The following YAF2 variants were observed in gnomAD, a reference collection of about 807,000 sequenced individuals.
The protein encoded by YAF2 is YY1-associated factor 2.
In YAF2, 7 loss-of-function variants were observed where a neutral mutation model predicts 20.1. That is an observed-to-expected ratio of 0.35 (90% CI 0.20 to 0.65). The LOEUF (loss-of-function observed/expected upper bound fraction) is 0.65. YAF2 is among the 30% of genes least tolerant of loss of function. YAF2 has a pLI of 0.69. For missense variants in YAF2, 151 were observed against 219.2 expected (o/e 0.69, Z 1.96); for synonymous variants, 74 against 76.0 (o/e 0.97, Z 0.14).
chr12:42,178,420 A>G (rs150322957), intron 2 of YAF2, among the ~76,000 whole-genome samples: 18 of 152,340 alleles, frequency 1.2e-4, no homozygotes, highest in African/African-American at 4.3e-4. Context: ...TGCCAGGTGA[A>G]GCAAATTATT....
intron 1 of YAF2, 88 bp from the exon 2 acceptor site, chr12:42,237,812 CCCCCCGCCCCAATTCTGCGA>C: frequency 9.8e-7 from 1 of 1,018,610 alleles, no homozygotes; most frequent in Non-Finnish European, 1.2e-6. Context: ...CCCCGCCCCG[CCCCCCGCCCCAATTCTGCGA>C]CCCCCGCCCC....
intron 2 of YAF2, among the ~76,000 whole-genome samples, chr12:42,197,605 G>A (rs1266431523): frequency 6.6e-6 from 1 of 152,198 alleles, no homozygotes; most frequent in African/African-American, 2.4e-5. Flanking sequence ...GATTCCGCTG[G>A]AATAGAGGTG....
Position 42,235,933 on chromosome 12 carries a change from G to C in YAF2, c.152+1666C>G, listed in dbSNP as rs1018885179. ...CTGCCACCACCTACTCTATTTCTCAGGGTTCCTCTAACCCCAAGACTGGCT... is the reference window on the plus strand; with the variant it reads ...CTGCCACCACCTACTCTATTTCTCACGGTTCCTCTAACCCCAAGACTGGCT... On this transcript the variant is annotated intron_variant, in intron 2 of 3. Coordinates refer to ENST00000534854, the MANE Select transcript of YAF2 (RefSeq NM_005748.6). 11 of 1,536,006 alleles carry C rather than the reference G, an allele frequency of 7.2e-6. No individual in the cohort carries two copies. In the East Asian group the frequency reaches 2.7e-4, roughly 38 times the overall value.
At chr12:42,210,471 T>A in intron 2 of YAF2, 1 of 1,535,682 alleles carries the variant, frequency 6.5e-7, no homozygotes, top group Non-Finnish European at 8.7e-7. Flanking sequence ...GGGCATGCAG[T>A]ACAGACGTAT....
chr12:42,159,120 C>T lies in YAF2; in HGVS notation c.*1469G>A, dbSNP rs1356301949. 6.6e-6 allele frequency: 1 copy of T among 152,078 alleles called. No individual in the cohort carries two copies. Among genetic ancestry groups the T allele is most frequent in the Non-Finnish European group, 1.5e-5 (1 of 67,980 alleles). 9.4% of individuals were successfully genotyped at this position (152,078 alleles called of 1,614,324 possible). Reference sequence around the variant, plus strand: ...CTAGCATCTTACAAAAAAGACAGTACCACTGTGCCTGTAAAAAGTACTGTA... The same window carrying T: ...CTAGCATCTTACAAAAAAGACAGTATCACTGTGCCTGTAAAAAGTACTGTA... On this transcript the variant is annotated 3_prime_UTR_variant, in exon 4 of 4. Coordinates refer to ENST00000534854, the MANE Select transcript of YAF2 (RefSeq NM_005748.6).
intron 2 of YAF2, among the ~76,000 whole-genome samples, chr12:42,222,102 G>A (rs1171301450): frequency 6.6e-6 from 1 of 151,978 alleles, no homozygotes; most frequent in African/African-American, 2.4e-5. Flanking sequence ...TATAACAAAA[G>A]GTACCGTCTT....
chr12:42,203,192 C>A (rs1005570916), intron 2 of YAF2, among the ~76,000 whole-genome samples: 1 of 151,886 alleles, frequency 6.6e-6, no homozygotes, highest in African/African-American at 2.4e-5. Context: ...GTATATCCTG[C>A]CTTTTATTCA....
chr12:42,192,295 C>T (rs570978828), intron 2 of YAF2, among the ~76,000 whole-genome samples: 1 of 151,736 alleles, frequency 6.6e-6, no homozygotes, highest in African/African-American at 2.4e-5. Flanking sequence ...ATCTCCTGAG[C>T]CCAGGAGATC....
At chr12:42,218,400 T>C (rs939787458) in intron 2 of YAF2, among the ~76,000 whole-genome samples, 1 of 152,234 alleles carries the variant, frequency 6.6e-6, no homozygotes, top group Non-Finnish European at 1.5e-5. Flanking sequence ...TCATGACTGT[T>C]GTTAGTATAC....
At chr12:42,177,780 C>T (rs951591288) in intron 2 of YAF2, among the ~76,000 whole-genome samples, 30 of 152,114 alleles carry the variant, frequency 2.0e-4, no homozygotes, top group African/African-American at 6.8e-4. Context: ...AGAAGTCTTC[C>T]TTTTTACTTT....
intron 2 of YAF2, among the ~76,000 whole-genome samples, chr12:42,188,991 T>C (rs1592205688): frequency 6.6e-6 from 1 of 152,252 alleles, no homozygotes; most frequent in African/African-American, 2.4e-5. Flanking sequence ...TAGGTAATGC[T>C]GAGACTATAC....
chr12:42,160,605 T>C lies in YAF2; in HGVS notation c.527A>G (p.Asn176Ser), dbSNP rs1316122927. The C allele has an allele frequency of 5.6e-6, 9 of 1,612,966 alleles. No individual in the cohort carries two copies. Among genetic ancestry groups the C allele is most frequent in the African/African-American group, 1.3e-5 (1 of 74,860 alleles). ...AAATAAACTTTAATGAGATTCTCCA[T>C]TCAATGATGAGGCTTCTCCTCTGGG... ...SSPRGEASSL[N>S]GESH Residue 176 changes from asparagine (N) to serine (S), a missense_variant, in exon 4 of 4, where the codon AAT becomes AGT. Asn to Ser is a conservative substitution (Grantham distance 46). Transcript: ENST00000534854.
intron 2 of YAF2, among the ~76,000 whole-genome samples, chr12:42,171,745 G>A (rs2066054785): frequency 6.6e-6 from 1 of 151,560 alleles, no homozygotes; most frequent in Non-Finnish European, 1.5e-5. Context: ...TTTGAGCTCA[G>A]GAGTTCAAGA....
chr12:42,161,857 A>ATTGTT, intron 2 of YAF2, 92 bp from the exon 3 acceptor site: 12 of 1,151,102 alleles, frequency 1.0e-5, no homozygotes, highest in Non-Finnish European at 1.5e-5. Context: ...AAAACAAGTT[A>ATTGTT]ATAACAATAA....
intron 2 of YAF2, among the ~76,000 whole-genome samples, chr12:42,169,069 A>C (rs1022740093): frequency 3.9e-5 from 6 of 152,182 alleles, no homozygotes; most frequent in African/African-American, 1.4e-4. Context: ...CAGTATTTTG[A>C]AAATGTCTGC....
intron 2 of YAF2, among the ~76,000 whole-genome samples, chr12:42,198,946 T>G (rs966774813): frequency 9.2e-5 from 14 of 152,232 alleles, no homozygotes; most frequent in Admixed American, 2.6e-4. Flanking sequence ...ATGTAAAATA[T>G]ACCCTGATTT....
chr12:42,237,722 G>C lies in YAF2; in HGVS notation c.29C>G (p.Pro10Arg). The change falls in exon 2 of 4, where the codon CCG (proline) becomes CGG (arginine). Residue 10 changes from proline (P) to arginine (R), a missense_variant and splice_region_variant. By Grantham distance (103) the Pro-to-Arg change is moderately radical. Around this residue, in one of 3 missense-constraint regions of YAF2, gnomAD observed 50 missense variants for 58.3 expected, o/e 0.86. Coordinates refer to ENST00000534854, the MANE Select transcript of YAF2 (RefSeq NM_005748.6). MGDKKSPTR[P>R]KRQPKPSSDE... ...CGAGGACGGCTTCGGCTGCCGCTTC[G>C]GCCTGCAGGACACAACCCGGACACG... 3 of 1,562,162 alleles carry C rather than the reference G, an allele frequency of 1.9e-6. No homozygotes were observed. Among genetic ancestry groups the C allele is most frequent in the Non-Finnish European group, 2.6e-6 (3 of 1,156,406 alleles).
intron 2 of YAF2, among the ~76,000 whole-genome samples, chr12:42,209,509 G>C (rs1347455469): frequency 1.4e-5 from 2 of 146,754 alleles, no homozygotes; most frequent in Non-Finnish European, 3.0e-5. Context: ...AGTTGCAGTA[G>C]GCCAAGATCA....
At chr12:42,211,854 G>A (rs999995548) in intron 2 of YAF2, among the ~76,000 whole-genome samples, 13 of 151,314 alleles carry the variant, frequency 8.6e-5, no homozygotes, top group African/African-American at 2.7e-4. Context: ...TTCTAGACCA[G>A]CCTCACTAAC....
Sources: allele counts gnomAD v4.1 joint callset (sites outside exome capture counted in the v4.1 genomes callset), GRCh38; gene constraint gnomAD v4.1.1; regional missense constraint gnomAD v4.1.1; transcripts MANE v1.5; gene names NCBI Gene and HGNC (gene_info 2026-07-23, HGNC 2026-07-21).